Variants in TRAF5 observed in about 807,000 individuals in gnomAD.
TRAF5 encodes the protein TNF receptor associated factor 5.
A neutral mutation model predicts 64.5 loss-of-function variants in TRAF5; 48 were observed. That is an observed-to-expected ratio of 0.74 (90% CI 0.59 to 0.95). TRAF5 has a LOEUF of 0.95. TRAF5 is among the 40% of genes least tolerant of loss of function. The pLI is 0.00. For missense variants in TRAF5, 545 were observed against 662.8 expected, an observed-to-expected ratio of 0.82 and a Z score of 1.95; for synonymous variants, 206 against 240.5, an observed-to-expected ratio of 0.86 and a Z score of 1.33.
intron 1 of TRAF5, among the ~76,000 whole-genome samples, chr1:211,336,099 C>A (rs1232095036): frequency 6.6e-6 from 1 of 152,108 alleles, no homozygotes; most frequent in Non-Finnish European, 1.5e-5. Context: ...TGAGAAGGAA[C>A]AGCTGGCTTT....
At position 211,326,838 on chromosome 1, in the gene TRAF5, C is replaced by G. The variant is rs536176933; in HGVS notation, c.-53C>G. On this transcript the variant is annotated 5_prime_UTR_variant, in exon 1 of 11. Coordinates refer to ENST00000261464, the MANE Select transcript of TRAF5 (RefSeq NM_001033910.3). The surrounding 1 kb of genome is among the most constrained non-coding windows in gnomAD (Gnocchi z 5.0). The stretch of plus-strand genomic sequence containing the variant: ...CGCCGCCGCCGGCCGCAGCCAGGAG[C>G]AGCAGCCGCGCCTGCAGACCGGCCT... 2.3e-5 allele frequency: 23 copies of G among 984,642 alleles called. No homozygotes were observed. The South Asian group carries it at 1.0e-3, about 44-fold the overall frequency. 61.0% of individuals were successfully genotyped at this position (984,642 alleles called of 1,614,324 possible).
In TRAF5 at chr1:211,353,427, G is replaced by A. The variant is rs754069704; in HGVS notation, c.188G>A (p.Arg63His). ...HNPHQTGCGH[R>H]FCQHCILSLR... ...CCCCACCAGACAGGATGTGGGCACC[G>A]CTTCTGCCAGCACTGCATCCTGTCC... is the stretch of plus-strand genomic sequence containing the variant. The change falls in exon 2 of 11, where the codon CGC becomes CAC. Residue 63 changes from arginine (R) to histidine (H), a missense_variant. Transcript: ENST00000261464. The A allele has an allele frequency of 3.0e-5, 48 of 1,613,516 alleles. No homozygotes were observed. Among genetic ancestry groups the A allele is most frequent in the Admixed American group, 1.0e-4 (6 of 60,000 alleles).
At position 211,369,578 on chromosome 1, in the gene TRAF5, C is replaced by T. The variant is rs748145370; in HGVS notation, c.916C>T (p.Leu306Phe). The T allele has an allele frequency of 4.4e-6, 7 of 1,590,088 alleles. No homozygotes were observed. Among genetic ancestry groups the T allele is most frequent in the Non-Finnish European group, 8.5e-7 (1 of 1,171,386 alleles). The change falls in exon 9 of 11, where the codon CTC becomes TTC. Residue 306 changes from leucine (L) to phenylalanine (F), a missense_variant. Physicochemically the swap from Leu to Phe is conservative, Grantham distance 22. Transcript: ENST00000261464. ...GTTGTTTGGCAAAAATGGAAGCTTCCTCCCAAACATCCAGGTAAGAAATGG... is the reference window on the plus strand; with the variant it reads ...GTTGTTTGGCAAAAATGGAAGCTTCTTCCCAAACATCCAGGTAAGAAATGG... The part of the protein sequence containing the change: ...AQLFGKNGSF[L>F]PNIQVFASHI...
intron 1 of TRAF5, among the ~76,000 whole-genome samples, chr1:211,350,674 T>C (rs966735925): frequency 6.6e-5 from 10 of 152,238 alleles, no homozygotes; most frequent in African/African-American, 2.4e-4. Flanking sequence ...TGAGAAATGA[T>C]GTGGCTTGGT....
intron 1 of TRAF5, among the ~76,000 whole-genome samples, chr1:211,329,707 C>A (rs1702108487): frequency 6.6e-6 from 1 of 152,202 alleles, no homozygotes; most frequent in East Asian, 1.9e-4. Context: ...CTGACTCAGT[C>A]TCTGAAGAGC....
At chr1:211,333,743 C>T (rs768148463) in intron 1 of TRAF5, among the ~76,000 whole-genome samples, 4 of 152,114 alleles carry the variant, frequency 2.6e-5, no homozygotes, top group African/African-American at 4.8e-5. Context: ...GTGATCTGCC[C>T]GTCTTGGCCT....
At chr1:211,347,604 T>A (rs1452682880) in intron 1 of TRAF5, among the ~76,000 whole-genome samples, 1 of 152,130 alleles carries the variant, frequency 6.6e-6, no homozygotes, top group Non-Finnish European at 1.5e-5. Context: ...AATACACACA[T>A]GGATGGGGAG....
chr1:211,360,892 G>A (rs1330903892), intron 6 of TRAF5, 113 bp downstream of exon 6: 9 of 1,044,554 alleles, frequency 8.6e-6, no homozygotes, highest in East Asian at 2.5e-5. Context: ...TAAATTACAC[G>A]CATGACCATG....
At chr1:211,363,932 A>AG (rs1703266768) in intron 7 of TRAF5, among the ~76,000 whole-genome samples, 1 of 141,776 alleles carries the variant, frequency 7.1e-6, no homozygotes, top group African/African-American at 2.6e-5. Flanking sequence ...AAAAAAAAAA[A>AG]GCAGAATTGC....
chr1:211,369,738 C>A, intron 9 of TRAF5, 146 bp downstream of exon 9: 3 of 948,962 alleles, frequency 3.2e-6, no homozygotes, highest in Non-Finnish European at 4.5e-6. Context: ...TGTATAACCT[C>A]CACCCTGATT....
In TRAF5 at chr1:211,359,986, A is replaced by G. The variant is rs1703122494; in HGVS notation, c.453A>G (p.Lys151=). ...NEKCREPVLR[K]DLKEHLSASC... is the part of the protein sequence containing the mutation. ...AGTGCCGGGAGCCAGTCCTACGGAA[A>G]GACCTGAAAGAGCATTTGAGTGCAT... The change falls in exon 5 of 11, where the codon AAA becomes AAG. Residue 151 remains lysine (K), a synonymous_variant. Coordinates refer to ENST00000261464, the MANE Select transcript of TRAF5 (RefSeq NM_001033910.3). The G allele has an allele frequency of 6.2e-7, 1 of 1,614,142 alleles. No homozygotes were observed.
intron 1 of TRAF5, among the ~76,000 whole-genome samples, chr1:211,352,595 C>T (rs997357547): frequency 2.0e-5 from 3 of 151,808 alleles, no homozygotes; most frequent in African/African-American, 7.3e-5. Flanking sequence ...CACTGGCCTC[C>T]AGCCTGGGCT....
chr1:211,371,789 T>C (rs772030868), intron 10 of TRAF5, among the ~76,000 whole-genome samples: 1 of 152,192 alleles, frequency 6.6e-6, no homozygotes, highest in Non-Finnish European at 1.5e-5. Context: ...GGATCATTGT[T>C]TTAGGTATGG....
intron 1 of TRAF5, among the ~76,000 whole-genome samples, chr1:211,348,741 A>G (rs1332950472): frequency 6.6e-6 from 1 of 152,128 alleles, no homozygotes; most frequent in Non-Finnish European, 1.5e-5. Context: ...TTATCTTTGC[A>G]TCATTGTTTT....
intron 1 of TRAF5, among the ~76,000 whole-genome samples, chr1:211,338,060 C>G (rs1273898684): frequency 6.6e-6 from 1 of 152,032 alleles, no homozygotes; most frequent in Non-Finnish European, 1.5e-5. Flanking sequence ...AGCACCAGCC[C>G]GAAGCTCCAA....
chr1:211,343,801 A>G (rs139674691), intron 1 of TRAF5, among the ~76,000 whole-genome samples: 6 of 152,040 alleles, frequency 3.9e-5, no homozygotes, highest in African/African-American at 9.6e-5. Flanking sequence ...GAGTTTCCAC[A>G]CTGATTATTG....
At chr1:211,342,473 C>A (rs1702473601) in intron 1 of TRAF5, among the ~76,000 whole-genome samples, 1 of 152,110 alleles carries the variant, frequency 6.6e-6, no homozygotes, top group Admixed American at 6.5e-5. Context: ...AAGCATGTAT[C>A]ATTTCTTTGT....
At chr1:211,334,349 A>G (rs1702235735) in intron 1 of TRAF5, among the ~76,000 whole-genome samples, 1 of 152,200 alleles carries the variant, frequency 6.6e-6, no homozygotes, top group South Asian at 2.1e-4. Flanking sequence ...CTCCAGAAGA[A>G]AAACAGGTGT....
Position 211,364,688 on chromosome 1 carries a change from A to AAAACAAAC in TRAF5, c.697-672_697-665dup, listed in dbSNP as rs10677348. Among the ~76,000 whole-genome samples, 30 of 150,892 alleles carry AAAACAAAC rather than the reference A, an allele frequency of 2.0e-4. 1 individual carries two copies. The highest frequency in any genetic ancestry group is 8.4e-4 in the South Asian group (4 of 4,776). ...GCGACAGAGCAAGACTCCATCTCAA[A>AAAACAAAC]AAACAAACAAACAAACAAACAAAAC... On this transcript the variant is annotated intron_variant, in intron 7 of 10. Coordinates refer to ENST00000261464, the MANE Select transcript of TRAF5 (RefSeq NM_001033910.3).
Sources: allele counts gnomAD v4.1 joint callset (sites outside exome capture counted in the v4.1 genomes callset), GRCh38; gene constraint gnomAD v4.1.1; non-coding constraint Gnocchi (gnomAD v3.1); transcripts MANE v1.5; gene names NCBI Gene and HGNC (gene_info 2026-07-23, HGNC 2026-07-21).